The following SASH1 variants were observed in gnomAD, a reference collection of about 807,000 sequenced individuals.
SASH1 encodes SAM and SH3 domain containing 1, also known as SAM and SH3 domain-containing protein 1.
A neutral mutation model predicts 125.2 loss-of-function variants in SASH1; 44 were observed. The observed-to-expected ratio is 0.35, with a 90% confidence interval of 0.28 to 0.45. SASH1 has a LOEUF of 0.45. Among genes scored for constraint, SASH1 ranks in the 20% least tolerant of loss-of-function variants. The pLI, the probability that SASH1 is intolerant of heterozygous loss-of-function variation, is 1.00. For synonymous variants in SASH1, 639 were observed against 649.1 expected (o/e 0.98, Z 0.24); for missense variants, 1,426 against 1,614.5 (o/e 0.88, Z 2.00).
At chr6:148,524,066 T>C (rs1037856112) in intron 10 of SASH1, among the ~76,000 whole-genome samples, 1 of 149,112 alleles carries the variant, frequency 6.7e-6, no homozygotes, top group African/African-American at 2.4e-5. Flanking sequence ...ATTTTCCTTC[T>C]AGGATGTTTC....
chr6:148,296,088 A>G (rs1779754605), intron 1 of SASH1, among the ~76,000 whole-genome samples: 2 of 151,578 alleles, frequency 1.3e-5, no homozygotes, highest in African/African-American at 4.9e-5. Flanking sequence ...GCAAATTTCT[A>G]TGGGATATTT....
intron 7 of SASH1, among the ~76,000 whole-genome samples, chr6:148,482,979 G>T (rs1184911817): frequency 6.6e-6 from 1 of 152,104 alleles, no homozygotes; most frequent in African/African-American, 2.4e-5. Flanking sequence ...GTGAGCCACC[G>T]TGCCTGGTTC....
At chr6:148,281,397 C>T (rs977977486) in intron 1 of SASH1, among the ~76,000 whole-genome samples, 6 of 152,100 alleles carry the variant, frequency 3.9e-5, no homozygotes, top group Non-Finnish European at 7.4e-5. Flanking sequence ...GCATTTATAT[C>T]ACCTACACCC....
chr6:148,517,729 C>T (rs772623869), intron 9 of SASH1, among the ~76,000 whole-genome samples: 2 of 152,212 alleles, frequency 1.3e-5, no homozygotes, highest in African/African-American at 2.4e-5. Flanking sequence ...CATGGACATG[C>T]GTGCACCAGC....
chr6:148,377,827 A>G (rs1462018543), intron 1 of SASH1, among the ~76,000 whole-genome samples: 1 of 152,194 alleles, frequency 6.6e-6, no homozygotes, highest in Non-Finnish European at 1.5e-5. Flanking sequence ...CTTCTATTTC[A>G]TGAGTGCTTA....
intron 4 of SASH1, among the ~76,000 whole-genome samples, chr6:148,467,819 C>T (rs1320095604): frequency 6.6e-6 from 1 of 152,180 alleles, no homozygotes; most frequent in East Asian, 1.9e-4. Flanking sequence ...TACCTGTAAT[C>T]TCAGCTACTT....
intron 2 of SASH1, among the ~76,000 whole-genome samples, chr6:148,395,754 T>C (rs536869894): frequency 6.6e-6 from 1 of 152,284 alleles, no homozygotes; most frequent in African/African-American, 2.4e-5. Context: ...TTTTTTTGGC[T>C]GGGAGAAGCT....
chr6:148,357,814 T>C (rs1314938337), intron 1 of SASH1, among the ~76,000 whole-genome samples: 1 of 152,048 alleles, frequency 6.6e-6, no homozygotes, highest in Admixed American at 6.6e-5. Context: ...GATCCCAGCA[T>C]TTTGGGAGAC....
intron 7 of SASH1, 81 bp from the exon 8 acceptor site, chr6:148,487,533 A>C: frequency 2.0e-6 from 2 of 980,396 alleles, no homozygotes; most frequent in Non-Finnish European, 3.2e-6. Context: ...TAGATGTATT[A>C]TTTGAGTCAT....
At chr6:148,326,700 C>T (rs1780840293) in intron 1 of SASH1, among the ~76,000 whole-genome samples, 1 of 152,040 alleles carries the variant, frequency 6.6e-6, no homozygotes. Flanking sequence ...CCTCGCCTGG[C>T]CGCCATATTG....
intron 2 of SASH1, among the ~76,000 whole-genome samples, chr6:148,403,324 C>T (rs890023507): frequency 6.6e-6 from 1 of 151,934 alleles, no homozygotes; most frequent in Non-Finnish European, 1.5e-5. Context: ...GGTCTGGCCT[C>T]GAACTCTTGG....
At chr6:148,448,110 G>GAT (rs1776887548) in intron 4 of SASH1, among the ~76,000 whole-genome samples, 1 of 137,954 alleles carries the variant, frequency 7.2e-6, no homozygotes, top group African/African-American at 2.9e-5. Flanking sequence ...TATTGCAGTG[G>GAT]AGAGAGTGTG....
rs79682125 is a variant in SASH1 at position 148,458,686 on chromosome 6, T to G, written c.387-9859T>G. On this transcript the variant is annotated intron_variant, in intron 4 of 19. Coordinates refer to ENST00000367467, the MANE Select transcript of SASH1 (RefSeq NM_015278.5). ...TCATTATAAAAAATACTATGTGGGC[T>G]GAGGCATGGGGGCTCACACCTGTAA... Among the ~76,000 whole-genome samples the G allele has an allele frequency of 3.1e-3, 474 of 152,190 alleles. 3 individuals are homozygous for G. The highest frequency in any genetic ancestry group is 0.011 in the African/African-American group (454 of 41,522).
chr6:148,336,623 G>C (rs1402188598), intron 1 of SASH1, among the ~76,000 whole-genome samples: 1 of 152,168 alleles, frequency 6.6e-6, no homozygotes, highest in Non-Finnish European at 1.5e-5. Flanking sequence ...GGAATCTATG[G>C]GGAGGCCTTT....
At chr6:148,546,729 A>G (rs1433687972) in intron 19 of SASH1, among the ~76,000 whole-genome samples, 1 of 152,214 alleles carries the variant, frequency 6.6e-6, no homozygotes, top group Non-Finnish European at 1.5e-5. Flanking sequence ...TTATCAACAC[A>G]CCACGTTTTA....
At chr6:148,398,431 C>T (rs568915929) in intron 2 of SASH1, among the ~76,000 whole-genome samples, 34 of 152,234 alleles carry the variant, frequency 2.2e-4, no homozygotes, top group African/African-American at 7.2e-4. Context: ...AACAGGTTTC[C>T]TGTTGTACAT....
chr6:148,495,598 T>C lies in SASH1; in HGVS notation c.729+7883T>C, dbSNP rs17715258. 0.066 allele frequency among the ~76,000 whole-genome samples: 10,013 copies of C among 152,292 alleles called. 443 individuals carry two copies. Among genetic ancestry groups the C allele is most frequent in the Non-Finnish European group, 0.097 (6,577 of 68,024 alleles). ...AGTCTGACCGCAAAGATTTCTTTAA[T>C]GGCAGCATATGATGAATTTACAAAA... On this transcript the variant is annotated intron_variant, in intron 8 of 19. Coordinates refer to ENST00000367467, the MANE Select transcript of SASH1 (RefSeq NM_015278.5). This position sits in a 1 kb window ranked among gnomAD's most constrained non-coding sequence, Gnocchi z 4.0.
intron 7 of SASH1, among the ~76,000 whole-genome samples, chr6:148,476,274 C>CAAAAAAAAAAAAAAAAAAAAAA (rs35854127): frequency 2.3e-5 from 2 of 88,146 alleles, no homozygotes; most frequent in Non-Finnish European, 4.6e-5. Context: ...AAAAGGACAC[C>CAAAAAAAAAAAAAAAAAAAAAA]AAAAAAAAAA....
At chr6:148,487,867 C>G (rs1778947564) in intron 8 of SASH1, 152 bp downstream of exon 8, 1 of 541,626 alleles carries the variant, frequency 1.8e-6, no homozygotes, top group Non-Finnish European at 3.2e-6. Flanking sequence ...ATTTTCTCTA[C>G]CTGACAGAGA....
Sources: allele counts gnomAD v4.1 joint callset (sites outside exome capture counted in the v4.1 genomes callset), GRCh38; gene constraint gnomAD v4.1.1; non-coding constraint Gnocchi (gnomAD v3.1); transcripts MANE v1.5; gene names NCBI Gene and HGNC (gene_info 2026-07-23, HGNC 2026-07-21).